Variants in SPATA13 observed in about 807,000 individuals in gnomAD.
The protein encoded by SPATA13 is spermatogenesis-associated protein 13.
A neutral mutation model predicts 104.0 loss-of-function variants in SPATA13; 50 were observed. That is an observed-to-expected ratio of 0.48 (90% CI 0.38 to 0.61). The LOEUF (loss-of-function observed/expected upper bound fraction) is 0.61. Ranked by LOEUF, SPATA13 falls within the 20% of genes least tolerant of loss-of-function variation. The pLI is 0.00. For synonymous variants in SPATA13, 606 were observed against 667.5 expected, an observed-to-expected ratio of 0.91 and a Z score of 1.42; for missense variants, 1,524 against 1,690.6, an observed-to-expected ratio of 0.90 and a Z score of 1.73.
intron 4 of SPATA13, chr13:24,270,936 T>C: frequency 6.4e-7 from 1 of 1,550,698 alleles, no homozygotes; most frequent in Non-Finnish European, 8.9e-7. Context: ...GAATGGATTG[T>C]TGTACTGTGA....
At chr13:24,183,488 A>G (rs1319738818) in intron 1 of SPATA13, among the ~76,000 whole-genome samples, 2 of 152,178 alleles carry the variant, frequency 1.3e-5, no homozygotes, top group African/African-American at 4.8e-5. Flanking sequence ...GGCTTTCACT[A>G]CTTTATACAA....
intron 3 of SPATA13, among the ~76,000 whole-genome samples, chr13:24,132,977 AAAAC>A (rs757109531): frequency 1.1e-4 from 17 of 152,274 alleles, no homozygotes; most frequent in South Asian, 2.1e-4. Context: ...CTCTGTCTCA[AAAAC>A]AAACAAACAA....
intron 3 of SPATA13, among the ~76,000 whole-genome samples, chr13:24,027,719 T>C (rs1408453096): frequency 6.6e-6 from 1 of 152,214 alleles, no homozygotes; most frequent in Non-Finnish European, 1.5e-5. Flanking sequence ...ACTTAACTTC[T>C]CTGTGCCTTA....
At chr13:24,163,948 C>T (rs1426624537) in intron 1 of SPATA13, among the ~76,000 whole-genome samples, 1 of 152,190 alleles carries the variant, frequency 6.6e-6, no homozygotes, top group Non-Finnish European at 1.5e-5. Flanking sequence ...GAAAACTAAA[C>T]ATTTAAGAAA....
chr13:24,201,519 C>T (rs1403098908), intron 1 of SPATA13, among the ~76,000 whole-genome samples: 1 of 152,160 alleles, frequency 6.6e-6, no homozygotes, highest in Admixed American at 6.5e-5. Context: ...TGACTCACTG[C>T]AACCTCCGCC....
At chr13:24,124,593 A>T (rs1240186262) in intron 3 of SPATA13, among the ~76,000 whole-genome samples, 1 of 152,224 alleles carries the variant, frequency 6.6e-6, no homozygotes, top group Non-Finnish European at 1.5e-5. Flanking sequence ...CCATCAAACA[A>T]GTCTAATTGG....
At position 24,294,834 on chromosome 13, in the gene SPATA13, T is replaced by C; in HGVS notation, c.3176T>C (p.Ile1059Thr). 1.2e-6 allele frequency: 2 copies of C among 1,610,934 alleles called. No individual in the cohort carries two copies. Among genetic ancestry groups the C allele is most frequent in the Non-Finnish European group, 1.7e-6 (2 of 1,177,226 alleles). ...RKRKLESIDK[I>T]ARWQVSIVGW... is the part of the protein sequence containing the mutation. ...CGCAAGCTGGAGAGCATCGACAAGA[T>C]AGCTCGCTGGCAGGTGTCTATCGTG... is the stretch of plus-strand genomic sequence containing the variant. The change falls in exon 10 of 13, where the codon ATA becomes ACA. Residue 1059 changes from isoleucine to threonine, a missense_variant. By Grantham distance (89) the Ile-to-Thr change is moderately conservative. Coordinates refer to ENST00000382108, the MANE Select transcript of SPATA13 (RefSeq NM_001166271.3).
intron 2 of SPATA13, among the ~76,000 whole-genome samples, chr13:24,004,864 C>A (rs1470300718): frequency 6.6e-6 from 1 of 152,154 alleles, no homozygotes; most frequent in East Asian, 1.9e-4. Context: ...ACCACAAACC[C>A]TTCCCATTAT....
chr13:24,127,948 C>T (rs185597268), intron 3 of SPATA13, among the ~76,000 whole-genome samples: 49 of 152,314 alleles, frequency 3.2e-4, no homozygotes, highest in Admixed American at 6.5e-4. Flanking sequence ...ATGTAATGAA[C>T]GAACAGCATT....
chr13:24,158,858 C>T (rs915458604), upstream of SPATA13, among the ~76,000 whole-genome samples: 2 of 152,178 alleles, frequency 1.3e-5, no homozygotes, highest in Admixed American at 6.5e-5. Context: ...TTGTACAGGG[C>T]CTCAAGGATG....
At chr13:24,187,452 T>A (rs144242080) in intron 1 of SPATA13, among the ~76,000 whole-genome samples, 322 of 152,286 alleles carry the variant, frequency 2.1e-3, no homozygotes, top group African/African-American at 6.7e-3. Context: ...AGCGACCGGC[T>A]TACGTTTTAT....
chr13:24,054,527 A>C (rs1878470314), intron 3 of SPATA13, among the ~76,000 whole-genome samples: 1 of 151,722 alleles, frequency 6.6e-6, no homozygotes, highest in Non-Finnish European at 1.5e-5. Context: ...TCTAATGTGC[A>C]AACCAGATAC....
At chr13:24,162,636 C>T (rs1351692356) in intron 1 of SPATA13, 3 of 153,662 alleles carry the variant, frequency 2.0e-5, no homozygotes, top group Non-Finnish European at 4.4e-5. Context: ...GTAGCATCTA[C>T]CAAACTCTGG....
At chr13:24,167,966 A>G (rs1181677464) in intron 1 of SPATA13, among the ~76,000 whole-genome samples, 1 of 152,192 alleles carries the variant, frequency 6.6e-6, no homozygotes, top group Non-Finnish European at 1.5e-5. Context: ...CTCTGTCAGC[A>G]TGGACAAAGT....
chr13:24,121,272 C>T (rs1319155382), intron 3 of SPATA13, among the ~76,000 whole-genome samples: 2 of 152,044 alleles, frequency 1.3e-5, no homozygotes, highest in African/African-American at 4.8e-5. Context: ...TTTTACATAC[C>T]GAATTCAAGT....
At chr13:24,000,528 A>C (rs1875908473) in intron 2 of SPATA13, among the ~76,000 whole-genome samples, 2 of 152,170 alleles carry the variant, frequency 1.3e-5, no homozygotes, top group Admixed American at 1.3e-4. Context: ...TCTAGGGGGA[A>C]GACAGGCCAC....
intron 3 of SPATA13, among the ~76,000 whole-genome samples, chr13:24,022,946 T>A (rs1047129793): frequency 1.0e-4 from 15 of 148,072 alleles, no homozygotes; most frequent in East Asian, 1.9e-4. Flanking sequence ...TCTTTTTTTT[T>A]ATTATTATTA....
At chr13:24,297,239 T>C in intron 10 of SPATA13, 124 bp from the exon 11 acceptor site, 2 of 1,141,866 alleles carry the variant, frequency 1.8e-6, no homozygotes, top group Non-Finnish European at 2.4e-6. Flanking sequence ...GGGGTCTTGC[T>C]GTGTTGCCCA....
chr13:24,199,997 C>G (rs1870308434), intron 1 of SPATA13, among the ~76,000 whole-genome samples: 1 of 152,150 alleles, frequency 6.6e-6, no homozygotes, highest in Non-Finnish European at 1.5e-5. Flanking sequence ...TTATTACAGT[C>G]TGACATTGAG....
Sources: allele counts gnomAD v4.1 joint callset (sites outside exome capture counted in the v4.1 genomes callset), GRCh38; gene constraint gnomAD v4.1.1; transcripts MANE v1.5; gene names NCBI Gene and HGNC (gene_info 2026-07-23, HGNC 2026-07-21).